Variants in PTPRK observed in about 807,000 individuals in gnomAD.
PTPRK encodes protein tyrosine phosphatase receptor type K, also known as receptor-type tyrosine-protein phosphatase kappa.
Under a neutral mutation model 178.0 loss-of-function variants are expected in PTPRK, and 75 were observed. That is an observed-to-expected ratio of 0.42 (90% CI 0.35 to 0.51). The LOEUF is 0.51. Ranked by LOEUF, PTPRK falls within the 20% of genes least tolerant of loss-of-function variation. PTPRK has a pLI of 0.02. For missense variants in PTPRK, 1,441 were observed against 1,797.8 expected, an observed-to-expected ratio of 0.80 and a Z score of 3.59; for synonymous variants, 637 against 620.6, an observed-to-expected ratio of 1.03 and a Z score of -0.39.
At chr6:128,172,997 G>T (rs1027845320) in intron 7 of PTPRK, among the ~76,000 whole-genome samples, 3 of 151,786 alleles carry the variant, frequency 2.0e-5, no homozygotes, top group Non-Finnish European at 4.4e-5. Context: ...CTAGGGTGAG[G>T]GACAATGAGA....
intron 7 of PTPRK, among the ~76,000 whole-genome samples, chr6:128,162,309 A>G (rs973976924): frequency 6.6e-6 from 1 of 151,580 alleles, no homozygotes; most frequent in Non-Finnish European, 1.5e-5. Context: ...TAAAATCTAA[A>G]TTTACTCCAT....
At chr6:128,165,399 A>G (rs532099191) in intron 7 of PTPRK, among the ~76,000 whole-genome samples, 1 of 151,378 alleles carries the variant, frequency 6.6e-6, no homozygotes, top group South Asian at 2.1e-4. Context: ...AAAGTTAATA[A>G]TGTTTTCTTT....
intron 1 of PTPRK, among the ~76,000 whole-genome samples, chr6:128,401,912 G>A (rs780262182): frequency 5.9e-5 from 9 of 152,268 alleles, no homozygotes; most frequent in Admixed American, 3.9e-4. Flanking sequence ...GAATTAAGCT[G>A]TGATACATAA....
At chr6:128,191,496 A>G (rs973835357) in intron 6 of PTPRK, among the ~76,000 whole-genome samples, 2 of 152,098 alleles carry the variant, frequency 1.3e-5, no homozygotes, top group Admixed American at 1.3e-4. Context: ...GAGGTCTACT[A>G]TAACTATAAT....
intron 1 of PTPRK, among the ~76,000 whole-genome samples, chr6:128,495,394 T>C (rs1050551608): frequency 7.2e-5 from 11 of 152,148 alleles, no homozygotes; most frequent in African/African-American, 2.7e-4. Context: ...AAAGGAATTA[T>C]GTGAACTGTA....
intron 11 of PTPRK, among the ~76,000 whole-genome samples, chr6:128,072,281 A>T (rs781333801): frequency 2.5e-4 from 38 of 151,942 alleles, no homozygotes; most frequent in Non-Finnish European, 4.9e-4. Flanking sequence ...ACTACATTAT[A>T]TGGAGGTTTC....
intron 5 of PTPRK, chr6:128,238,182 C>T (rs777335398): frequency 7.9e-5 from 18 of 228,248 alleles, no homozygotes; most frequent in Non-Finnish European, 1.2e-4. Context: ...CTGTAGCAAA[C>T]GCCAAAAAAA....
chr6:128,261,440 T>A (rs1818166181), intron 3 of PTPRK, among the ~76,000 whole-genome samples: 1 of 152,188 alleles, frequency 6.6e-6, no homozygotes, highest in African/African-American at 2.4e-5. Context: ...GACAGGTATA[T>A]TTTATTATAA....
chr6:128,167,184 A>T (rs764803678), intron 7 of PTPRK, among the ~76,000 whole-genome samples: 5 of 151,872 alleles, frequency 3.3e-5, no homozygotes, highest in African/African-American at 4.8e-5. Context: ...GTTGATGAGA[A>T]AGCAAAATGA....
intron 15 of PTPRK, among the ~76,000 whole-genome samples, chr6:128,002,827 C>T (rs1475585645): frequency 1.3e-5 from 2 of 151,744 alleles, no homozygotes; most frequent in African/African-American, 2.4e-5. Context: ...TAGAAACATC[C>T]CTTTCCATTA....
At chr6:128,221,887 A>G (rs370128715) in intron 5 of PTPRK, among the ~76,000 whole-genome samples, 1 of 152,316 alleles carries the variant, frequency 6.6e-6, no homozygotes, top group East Asian at 1.9e-4. Context: ...AAACCAAAAA[A>G]AAAAATTATA....
chr6:128,276,860 T>C (rs953112783), intron 3 of PTPRK, among the ~76,000 whole-genome samples: 7 of 152,110 alleles, frequency 4.6e-5, no homozygotes, highest in Admixed American at 6.6e-5. Flanking sequence ...GGCATTTAAA[T>C]TTTTTTCCAT....
At chr6:128,134,680 G>T (rs946172707) in intron 7 of PTPRK, among the ~76,000 whole-genome samples, 1 of 152,090 alleles carries the variant, frequency 6.6e-6, no homozygotes, top group Non-Finnish European at 1.5e-5. Context: ...GCATGGTGGT[G>T]CACACCTATA....
intron 13 of PTPRK, among the ~76,000 whole-genome samples, chr6:128,060,141 G>A (rs901548334): frequency 1.3e-5 from 2 of 152,168 alleles, no homozygotes; most frequent in African/African-American, 4.8e-5. Flanking sequence ...CAGATATACA[G>A]TAGTAATGGT....
chr6:128,508,461 A>G (rs77460105), intron 1 of PTPRK, among the ~76,000 whole-genome samples: 4,945 of 152,324 alleles, frequency 0.032, 104 homozygotes, highest in African/African-American at 0.058. Context: ...AAGTATACAC[A>G]CAACTTTCTA....
At chr6:128,106,528 A>G (rs1789745815) in intron 7 of PTPRK, among the ~76,000 whole-genome samples, 1 of 152,172 alleles carries the variant, frequency 6.6e-6, no homozygotes, top group Admixed American at 6.5e-5. Flanking sequence ...TAACTTGAAA[A>G]AAAAAAGCAC....
Position 128,067,653 on chromosome 6 carries a change from G to T in PTPRK, c.2023C>A (p.Pro675Thr). 2 of 1,613,762 alleles carry T rather than the reference G, an allele frequency of 1.2e-6. No individual in the cohort carries two copies. The highest frequency in any genetic ancestry group is 1.7e-6 in the Non-Finnish European group (2 of 1,179,782). The change falls in exon 12 of 30, where the codon CCC becomes ACC. Residue 675 changes from proline to threonine, a missense_variant. By Grantham distance (38) the Pro-to-Thr change is conservative. This residue lies in a region of PTPRK where 945 missense variants were observed against 1,080.6 expected (regional missense o/e 0.87). Coordinates refer to ENST00000368226, the MANE Select transcript of PTPRK (RefSeq NM_002844.4). Reference protein sequence around the residue: ...GAPYYFAAELPPGNLPEPAPF... With the variant: ...GAPYYFAAELTPGNLPEPAPF... Reference sequence around the variant, plus strand: ...GCAGGCTCAGGTAGGTTTCCCGGGGGGAGTTCTGCAGCAAAGTAATACGGT... The same window carrying T: ...GCAGGCTCAGGTAGGTTTCCCGGGGTGAGTTCTGCAGCAAAGTAATACGGT...
intron 1 of PTPRK, among the ~76,000 whole-genome samples, chr6:128,503,136 G>C (rs1855805571): frequency 6.6e-6 from 1 of 152,208 alleles, no homozygotes; most frequent in Non-Finnish European, 1.5e-5. Flanking sequence ...TGAGGCAGGA[G>C]AATCACTTGA....
At chr6:128,164,245 C>G (rs1799080748) in intron 7 of PTPRK, among the ~76,000 whole-genome samples, 1 of 151,382 alleles carries the variant, frequency 6.6e-6, no homozygotes, top group Non-Finnish European at 1.5e-5. Context: ...AAAGGTAACA[C>G]TGAGACAATC....
Sources: allele counts gnomAD v4.1 joint callset (sites outside exome capture counted in the v4.1 genomes callset), GRCh38; gene constraint gnomAD v4.1.1; regional missense constraint gnomAD v4.1.1; transcripts MANE v1.5; gene names NCBI Gene and HGNC (gene_info 2026-07-23, HGNC 2026-07-21).